The following SLC6A13 variants were observed in gnomAD, a reference collection of about 807,000 sequenced individuals.
The protein encoded by SLC6A13 is sodium- and chloride-dependent GABA transporter 2.
In SLC6A13, 69 loss-of-function variants were observed where a neutral mutation model predicts 72.9. The observed-to-expected ratio is 0.95, with a 90% CI of 0.78 to 1.16. SLC6A13 has a LOEUF of 1.16. Ranked by LOEUF, SLC6A13 falls within the 50% of genes most tolerant of loss-of-function variation. SLC6A13 has a pLI of 0.00. For synonymous variants in SLC6A13, 303 were observed against 303.0 expected, an observed-to-expected ratio of 1.00 and a Z score of 0.00; for missense variants, 735 against 760.5, an observed-to-expected ratio of 0.97 and a Z score of 0.39.
chr12:247,474 C>A (rs1240758983), intron 2 of SLC6A13, among the ~76,000 whole-genome samples: 3 of 152,124 alleles, frequency 2.0e-5, no homozygotes, highest in Non-Finnish European at 4.4e-5. Flanking sequence ...AAGCTGTCAA[C>A]CCGGAATTCT....
intron 4 of SLC6A13, among the ~76,000 whole-genome samples, chr12:240,483 G>C (rs1942125240): frequency 6.6e-6 from 1 of 152,220 alleles, no homozygotes; most frequent in Non-Finnish European, 1.5e-5. Flanking sequence ...AGGATTACAG[G>C]CGTGAGCCAC....
intron 6 of SLC6A13, among the ~76,000 whole-genome samples, chr12:236,059 C>T (rs896749514): frequency 6.6e-5 from 10 of 152,172 alleles, no homozygotes; most frequent in East Asian, 3.8e-4. Flanking sequence ...ATACGTGCAC[C>T]GCTGAACATA....
intron 4 of SLC6A13, among the ~76,000 whole-genome samples, chr12:238,898 T>TC (rs113454517): frequency 0.029 from 4,454 of 152,212 alleles, 168 homozygotes; most frequent in African/African-American, 0.089. Context: ...TCACCCTTGT[T>TC]CCCCTCGTGG....
intron 6 of SLC6A13, 95 bp from the exon 7 acceptor site, chr12:235,319 A>G (rs2137280554): frequency 7.7e-7 from 1 of 1,299,994 alleles, no homozygotes; most frequent in African/African-American, 1.5e-5. Flanking sequence ...AGCTCCTCAG[A>G]AAAGGTCAAG....
At chr12:240,390 A>C (rs950619072) in intron 4 of SLC6A13, among the ~76,000 whole-genome samples, 1 of 152,172 alleles carries the variant, frequency 6.6e-6, no homozygotes, top group African/African-American at 2.4e-5. Flanking sequence ...TTTTCAGTAG[A>C]GATGGGGTTT....
At chr12:258,334 C>A (rs1395370197) in intron 2 of SLC6A13, among the ~76,000 whole-genome samples, 1 of 152,210 alleles carries the variant, frequency 6.6e-6, no homozygotes, top group African/African-American at 2.4e-5. Context: ...TGTTCTCCCC[C>A]AGTTCCCACA....
At chr12:235,522 C>T (rs964503375) in intron 6 of SLC6A13, among the ~76,000 whole-genome samples, 1 of 152,084 alleles carries the variant, frequency 6.6e-6, no homozygotes, top group Non-Finnish European at 1.5e-5. Context: ...ATCTCTTAAT[C>T]CTGTTATCTT....
chr12:248,278 GAA>G lies in SLC6A13; in HGVS notation c.203-4467_203-4466del, dbSNP rs577051794. Among the ~76,000 whole-genome samples the G allele has an allele frequency of 3.1e-4, 45 of 143,372 alleles. No homozygotes were observed. In the South Asian group the frequency reaches 6.7e-3, roughly 21 times the overall value. The allele number at this position is 143,372 out of a possible 152,430, so 94.1% of individuals were successfully genotyped here. ...TGAAGAGGTTAAAAGTAAAAGGATAGAAAGATATACCATGCTGGGAGGCTGAG... is the reference window on the plus strand; with the variant it reads ...TGAAGAGGTTAAAAGTAAAAGGATAGAGATATACCATGCTGGGAGGCTGAG... On this transcript the variant is annotated intron_variant, in intron 2 of 14. Transcript: ENST00000343164.
intron 6 of SLC6A13, among the ~76,000 whole-genome samples, chr12:236,422 A>G (rs1209296778): frequency 6.6e-6 from 1 of 152,210 alleles, no homozygotes; most frequent in Non-Finnish European, 1.5e-5. Flanking sequence ...TATGGAAAAT[A>G]GAAAGAACCT....
chr12:224,639 C>T, intron 9 of SLC6A13, 126 bp from the exon 10 acceptor site: 1 of 699,400 alleles, frequency 1.4e-6, no homozygotes, highest in Non-Finnish European at 2.4e-6. Context: ...CCCAAAGTTG[C>T]TGTCACCACC....
At chr12:226,321 C>T in intron 9 of SLC6A13, 69 bp downstream of exon 9, 1 of 1,600,138 alleles carries the variant, frequency 6.2e-7, no homozygotes, top group South Asian at 1.1e-5. Context: ...AATGGAAACG[C>T]CTCTAGACGC....
intron 4 of SLC6A13, among the ~76,000 whole-genome samples, chr12:238,517 A>T (rs776734123): frequency 2.6e-4 from 40 of 152,234 alleles, no homozygotes; most frequent in Non-Finnish European, 5.7e-4. Flanking sequence ...AGTAAGATCC[A>T]TTACGTAGGA....
intron 1 of SLC6A13, among the ~76,000 whole-genome samples, chr12:261,227 C>T (rs1565513075): frequency 6.6e-6 from 1 of 152,308 alleles, no homozygotes; most frequent in East Asian, 1.9e-4. Flanking sequence ...ATAGACTAGG[C>T]ACTTCACATA....
intron 13 of SLC6A13, among the ~76,000 whole-genome samples, 186 bp downstream of exon 13, chr12:222,346 T>A (rs921797405): frequency 6.6e-6 from 1 of 152,212 alleles, no homozygotes; most frequent in African/African-American, 2.4e-5. Context: ...TTTATCCTTC[T>A]GTGAAATGGA....
intron 4 of SLC6A13, 69 bp from the exon 5 acceptor site, chr12:238,079 T>C (rs1942006041): frequency 6.3e-7 from 1 of 1,581,480 alleles, no homozygotes; most frequent in East Asian, 2.2e-5. Flanking sequence ...AACTGGAGAG[T>C]GGGGTGAAAT....
intron 6 of SLC6A13, chr12:236,866 T>G (rs962831647): frequency 3.6e-6 from 1 of 278,882 alleles, no homozygotes; most frequent in Non-Finnish European, 6.7e-6. Flanking sequence ...TTGTATGAAT[T>G]AGGGAACCAT....
chr12:234,055 G>A lies in SLC6A13; in HGVS notation c.831+1035C>T, dbSNP rs772181364. ...TCAGTAAAGAAGCTGGCCAAAACCC[G>A]TCAAAACCAAGATGGCAACAGAAGT... is the stretch of plus-strand genomic sequence containing the variant. On this transcript the variant is annotated intron_variant, in intron 7 of 14. Transcript: ENST00000343164. Among the ~76,000 whole-genome samples the A allele has an allele frequency of 4.3e-4, 65 of 152,118 alleles. 1 individual carries two copies. Among genetic ancestry groups the A allele is most frequent in the Non-Finnish European group, 1.0e-4 (7 of 68,030 alleles).
intron 8 of SLC6A13, 186 bp from the exon 9 acceptor site, chr12:226,700 C>T: frequency 1.7e-6 from 1 of 601,960 alleles, no homozygotes; most frequent in Non-Finnish European, 2.8e-6. Flanking sequence ...TCCTCCGACA[C>T]TCCTCGGCCC....
In SLC6A13 at chr12:235,120, G is replaced by C; in HGVS notation, c.801C>G (p.Tyr267Ter). ...GAAQGIQFYL[Y>*]PNLTRLWDPQ... Reference sequence around the variant, plus strand: ...GATCCCACAGACGCGTGAGGTTTGGGTACAGGTAAAACTGAATTCCTTGGG... The same window carrying C: ...GATCCCACAGACGCGTGAGGTTTGGCTACAGGTAAAACTGAATTCCTTGGG... The change falls in exon 7 of 15, where the codon TAC becomes TAG. Residue 267 changes from tyrosine to a stop codon, truncating the protein, a stop_gained. Transcript: ENST00000343164. LOFTEE classifies it high-confidence loss of function. 6.2e-7 allele frequency: 1 copy of C among 1,614,236 alleles called. No individual in the cohort carries two copies. The highest frequency in any genetic ancestry group is 1.1e-5 in the South Asian group (1 of 91,086).
Sources: gnomAD v4.1 joint callset for allele counts (sites outside exome capture counted in the v4.1 genomes callset) on GRCh38, gnomAD v4.1.1 for gene constraint, MANE v1.5 for transcripts, NCBI Gene and HGNC (gene_info 2026-07-23, HGNC 2026-07-21) for gene names.